STXBP5: variants seen among roughly 807,000 people sequenced by gnomAD.
STXBP5 encodes syntaxin-binding protein 5.
Under a neutral mutation model 152.4 loss-of-function variants are expected in STXBP5, and 50 were observed. The observed-to-expected ratio is 0.33, with a 90% CI of 0.26 to 0.42. The LOEUF is 0.42. STXBP5 is among the 10% of genes least tolerant of loss of function. STXBP5 has a pLI of 1.00. For missense variants in STXBP5, 1,167 were observed against 1,388.6 expected (o/e 0.84, Z 2.54); for synonymous variants, 492 against 494.7 (o/e 0.99, Z 0.07).
At chr6:147,212,529 G>A (rs994859153) in intron 2 of STXBP5, among the ~76,000 whole-genome samples, 1 of 152,182 alleles carries the variant, frequency 6.6e-6, no homozygotes, top group African/African-American at 2.4e-5. Context: ...AAATTGGGAT[G>A]TGTTATTTCC....
At chr6:147,250,370 G>A (rs1779021049) in intron 4 of STXBP5, among the ~76,000 whole-genome samples, 1 of 151,866 alleles carries the variant, frequency 6.6e-6, no homozygotes, top group Admixed American at 6.6e-5. Flanking sequence ...TGTATCCCTG[G>A]ACTCAACCAA....
chr6:147,224,407 A>G (rs1777609015), intron 2 of STXBP5, among the ~76,000 whole-genome samples: 1 of 152,206 alleles, frequency 6.6e-6, no homozygotes, highest in Non-Finnish European at 1.5e-5. Context: ...AGCCTGGGAG[A>G]CAGACTGAGA....
chr6:147,237,001 C>G (rs886927874), intron 3 of STXBP5, among the ~76,000 whole-genome samples: 1 of 152,086 alleles, frequency 6.6e-6, no homozygotes, highest in Non-Finnish European at 1.5e-5. Flanking sequence ...TGGTCTCTAA[C>G]TCCTGACCTC....
At chr6:147,241,802 T>G (rs939864530) in intron 4 of STXBP5, among the ~76,000 whole-genome samples, 1 of 152,230 alleles carries the variant, frequency 6.6e-6, no homozygotes, top group African/African-American at 2.4e-5. Flanking sequence ...ATTCACATGT[T>G]TGTAGTAATA....
At chr6:147,353,215 G>T in intron 21 of STXBP5, 108 bp from the exon 22 acceptor site, 6 of 603,858 alleles carry the variant, frequency 9.9e-6, no homozygotes, top group South Asian at 8.5e-5. Context: ...TATTTATCTC[G>T]GCATCTAGAT....
At chr6:147,227,128 A>C (rs1582810943) in intron 2 of STXBP5, among the ~76,000 whole-genome samples, 3 of 152,238 alleles carry the variant, frequency 2.0e-5, no homozygotes, top group East Asian at 1.9e-4. Flanking sequence ...TGTTGTGTGG[A>C]TCTAGAGAGA....
chr6:147,223,370 T>C (rs533271368), intron 2 of STXBP5, among the ~76,000 whole-genome samples: 5 of 152,306 alleles, frequency 3.3e-5, no homozygotes, highest in African/African-American at 1.2e-4. Context: ...TACTAAACTG[T>C]TGTTTTGAGC....
intron 18 of STXBP5, among the ~76,000 whole-genome samples, chr6:147,327,913 T>A (rs1216453236): frequency 6.6e-6 from 1 of 152,180 alleles, no homozygotes; most frequent in Non-Finnish European, 1.5e-5. Context: ...AGACCAGTGA[T>A]TTATTGTTTA....
At chr6:147,327,832 A>G (rs908627842) in intron 18 of STXBP5, among the ~76,000 whole-genome samples, 10 of 152,202 alleles carry the variant, frequency 6.6e-5, no homozygotes, top group African/African-American at 2.2e-4. Context: ...TGACAGGAAT[A>G]TTTGTATAAT....
At chr6:147,231,633 A>C (rs567913056) in intron 2 of STXBP5, among the ~76,000 whole-genome samples, 1 of 152,038 alleles carries the variant, frequency 6.6e-6, no homozygotes, top group South Asian at 2.1e-4. Flanking sequence ...TACATATATA[A>C]AAACAAATAT....
intron 25 of STXBP5, among the ~76,000 whole-genome samples, chr6:147,364,701 T>C (rs763521563): frequency 2.6e-5 from 4 of 152,216 alleles, no homozygotes; most frequent in Non-Finnish European, 5.9e-5. Context: ...GAGTGCTGTA[T>C]GTGCTTCTGT....
intron 26 of STXBP5, among the ~76,000 whole-genome samples, chr6:147,382,418 C>T (rs957589433): frequency 6.6e-5 from 10 of 151,966 alleles, no homozygotes; most frequent in Admixed American, 3.3e-4. Context: ...TCTGTATATT[C>T]GAAGCTAAAT....
At chr6:147,334,037 G>C (rs1380278348) in intron 18 of STXBP5, 120 bp from the exon 19 acceptor site, 1 of 902,914 alleles carries the variant, frequency 1.1e-6, no homozygotes, top group Non-Finnish European at 1.7e-6. Flanking sequence ...CAGTACCACA[G>C]TCTGTTAATT....
chr6:147,228,895 T>C (rs1052924270), intron 2 of STXBP5, among the ~76,000 whole-genome samples: 7 of 152,112 alleles, frequency 4.6e-5, no homozygotes, highest in African/African-American at 1.7e-4. Flanking sequence ...GGGAAAGATA[T>C]TTTTCTTGGG....
Position 147,327,209 on chromosome 6 carries a change from A to G in STXBP5, c.2013A>G (p.Leu671=), listed in dbSNP as rs143352745. The G allele has an allele frequency of 2.9e-4, 462 of 1,614,146 alleles. 2 individuals carry two copies. In the African/African-American group the frequency reaches 5.1e-3, roughly 18 times the overall value. The change falls in exon 18 of 28, where the codon TTA becomes TTG. Residue 671 remains leucine, a synonymous_variant. Transcript: ENST00000321680. ...AVLLNLGTIE[L]YGSNDPYRRE... ...TGCTCAACCTGGGCACTATTGAATT[A>G]TATGGCTCTAATGATCCTTATCGGA... is the stretch of plus-strand genomic sequence containing the variant.
intron 3 of STXBP5, 74 bp downstream of exon 3, chr6:147,235,405 T>C: frequency 8.7e-7 from 1 of 1,149,492 alleles, no homozygotes; most frequent in East Asian, 2.4e-5. Context: ...ATTTCTTACA[T>C]GCATTCACAA....
intron 18 of STXBP5, among the ~76,000 whole-genome samples, chr6:147,331,848 G>A (rs1179060509): frequency 1.3e-5 from 2 of 150,058 alleles, no homozygotes; most frequent in Non-Finnish European, 3.0e-5. Context: ...TCTAAGAGTG[G>A]CAATTAAGTG....
At chr6:147,330,248 T>C (rs564197755) in intron 18 of STXBP5, among the ~76,000 whole-genome samples, 49 of 152,284 alleles carry the variant, frequency 3.2e-4, no homozygotes, top group African/African-American at 1.0e-3. Context: ...TGCTGGTCAT[T>C]TTATCATTCA....
intron 2 of STXBP5, 68 bp downstream of exon 2, chr6:147,206,136 T>G: frequency 7.2e-7 from 1 of 1,385,920 alleles, no homozygotes; most frequent in Non-Finnish European, 1.0e-6. Context: ...TGTTGCTGAT[T>G]AGTTCCAAAG....
Sources: allele counts gnomAD v4.1 joint callset (sites outside exome capture counted in the v4.1 genomes callset), GRCh38; gene constraint gnomAD v4.1.1; transcripts MANE v1.5; gene names NCBI Gene and HGNC (gene_info 2026-07-23, HGNC 2026-07-21).